ATP2A3: variants seen among roughly 807,000 people sequenced by gnomAD.
ATP2A3 encodes the protein sarcoplasmic/endoplasmic reticulum calcium ATPase 3.
In ATP2A3, 61 loss-of-function variants were observed where a neutral mutation model predicts 106.8. That is an observed-to-expected ratio of 0.57 (90% confidence interval 0.46 to 0.71). The LOEUF (loss-of-function observed/expected upper bound fraction) is 0.71, where lower values mean the gene tolerates loss of function less well. Ranked by LOEUF, ATP2A3 falls within the 30% of genes least tolerant of loss-of-function variation. ATP2A3 has a pLI of 0.00. For synonymous variants in ATP2A3, 611 were observed against 609.3 expected (o/e 1.00, Z -0.04); for missense variants, 1,201 against 1,423.5 (o/e 0.84, Z 2.52).
rs1410550508 is a variant in ATP2A3, at chr17:3,924,850, TG to T, written c.*571del. 2 of 456,690 alleles carry T rather than the reference TG, an allele frequency of 4.4e-6. No individual in the cohort carries two copies. The allele number at this position is 456,690 out of a possible 1,614,324, so 28.3% of individuals were successfully genotyped here. The stretch of plus-strand genomic sequence containing the variant: ...CTCGAGCTCTCGGGAGCCGACTTTG[TG>T]GAAGCAGAGTGGAGTGGAGGGGGCT... On this transcript the variant is annotated 3_prime_UTR_variant, in exon 21 of 21. Coordinates refer to ENST00000397041, the MANE Select transcript of ATP2A3 (RefSeq NM_005173.4). The surrounding 1 kb of genome is among the most constrained non-coding windows in gnomAD (Gnocchi z 6.4).
rs1246162747 is a variant in ATP2A3 at position 3,953,129 on chromosome 17, T to G, written c.219+218A>C. Among the ~76,000 whole-genome samples the G allele has an allele frequency of 6.6e-6, 1 of 151,466 alleles. No homozygotes were observed. On this transcript the variant is annotated intron_variant, in intron 3 of 20. Transcript: ENST00000397041. This position sits in a 1 kb window ranked among gnomAD's most constrained non-coding sequence, Gnocchi z 5.1. ...CTGAGAGCCAGAGGATAAGATGGATTGGAGGGGTCAGGTGGGAGCCGGGGA... is the reference window on the plus strand; with the variant it reads ...CTGAGAGCCAGAGGATAAGATGGATGGGAGGGGTCAGGTGGGAGCCGGGGA...
At chr17:3,931,255 G>A (rs1235778304) in intron 17 of ATP2A3, among the ~76,000 whole-genome samples, 1 of 152,116 alleles carries the variant, frequency 6.6e-6, no homozygotes, top group Non-Finnish European at 1.5e-5. Flanking sequence ...TTGCCAAGGT[G>A]CAGCTGTAAC....
intron 10 of ATP2A3, among the ~76,000 whole-genome samples, chr17:3,944,064 C>T (rs991190720): frequency 6.6e-6 from 1 of 152,182 alleles, no homozygotes; most frequent in Non-Finnish European, 1.5e-5. Context: ...TGACCCATAC[C>T]TTCTCCCCTC....
chr17:3,937,741 A>T, intron 14 of ATP2A3, 105 bp from the exon 15 acceptor site: 1 of 1,171,196 alleles, frequency 8.5e-7, no homozygotes, highest in Non-Finnish European at 1.2e-6. Context: ...TTCCAAAGGA[A>T]GCAGACAGTT....
intron 1 of ATP2A3, among the ~76,000 whole-genome samples, chr17:3,958,819 C>T (rs1218086651): frequency 3.2e-4 from 38 of 117,548 alleles, no homozygotes; most frequent in African/African-American, 1.3e-3. Context: ...TATATATATA[C>T]ACACATATAT....
At chr17:3,927,680 C>T (rs1274260011) in intron 20 of ATP2A3, 1 of 984,888 alleles carries the variant, frequency 1.0e-6, no homozygotes, top group Non-Finnish European at 1.2e-6. Flanking sequence ...ACCCATTGGC[C>T]CCAGCAGGCT....
At position 3,951,678 on chromosome 17, in the gene ATP2A3, G is replaced by C. The variant is rs1287325251; in HGVS notation, c.227C>G (p.Ala76Gly). The C allele has an allele frequency of 4.4e-6, 7 of 1,607,622 alleles. No individual in the cohort carries two copies. The highest frequency in any genetic ancestry group is 5.9e-6 in the Non-Finnish European group (7 of 1,177,754). Residue 76 changes from alanine to glycine, a missense_variant, in exon 4 of 21, where the codon GCC (alanine) becomes GGC (glycine). Physicochemically the swap from Ala to Gly is moderately conservative, Grantham distance 60 (BLOSUM62 0). Transcript: ENST00000397041. ...LLAALVSFVL[A>G]WFEEGEETTT... is the part of the protein sequence containing the mutation. ...GGTCTCCTCGCCCTCCTCGAACCAGGCCAGGACCTGCAGGATCACAGCTGG... is the reference window on the plus strand; with the variant it reads ...GGTCTCCTCGCCCTCCTCGAACCAGCCCAGGACCTGCAGGATCACAGCTGG...
rs376660477 is a variant in ATP2A3 at position 3,928,020 on chromosome 17, C to A, written c.2980+643G>T. ...TCTCTGAGCAGCTCTGACAGCGAGA[C>A]GATGCTGTGTCCCTGGCCCTTGGAA... On this transcript the variant is annotated intron_variant, in intron 20 of 20. Coordinates refer to ENST00000397041, the MANE Select transcript of ATP2A3 (RefSeq NM_005173.4). This position sits in a 1 kb window ranked among gnomAD's most constrained non-coding sequence, Gnocchi z 6.1. 1.2e-6 allele frequency: 2 copies of A among 1,614,106 alleles called. No homozygotes were observed. The highest frequency in any genetic ancestry group is 2.2e-5 in the East Asian group (1 of 44,880).
Position 3,928,535 on chromosome 17 carries a change from A to G in ATP2A3, c.2980+128T>C. The G allele has an allele frequency of 9.9e-7, 1 of 1,010,994 alleles. No individual in the cohort carries two copies. The allele number at this position is 1,010,994 out of a possible 1,614,324, so 62.6% of individuals were successfully genotyped here. A position where few individuals can be genotyped will look rare whatever the true frequency, so the allele number is the denominator to read the frequency against. Reference sequence around the variant, plus strand: ...GCCCCTTCACACCCTCCACTTGGTGATCCGAGAACGCCTCCCCGATGTGCA... The same window carrying G: ...GCCCCTTCACACCCTCCACTTGGTGGTCCGAGAACGCCTCCCCGATGTGCA... On this transcript the variant is annotated intron_variant, in intron 20 of 20. Coordinates refer to ENST00000397041, the MANE Select transcript of ATP2A3 (RefSeq NM_005173.4). This position sits in a 1 kb window ranked among gnomAD's most constrained non-coding sequence, Gnocchi z 6.1.
chr17:3,936,787 C>A lies in ATP2A3; in HGVS notation c.2322-318G>T. ...GAAGAGGGCATGCCCAAGAATCAGA[C>A]ATGTGCAAAAACCTAGCACATGCCA... On this transcript the variant is annotated intron_variant, in intron 15 of 20. Transcript: ENST00000397041. The surrounding 1 kb of genome is among the most constrained non-coding windows in gnomAD (Gnocchi z 5.4). The A allele has an allele frequency of 2.3e-6, 1 of 425,980 alleles. No individual in the cohort carries two copies. The highest frequency in any genetic ancestry group is 4.7e-5 in the East Asian group (1 of 21,100). 26.4% of individuals were successfully genotyped at this position (425,980 alleles called of 1,614,324 possible).
Position 3,925,812 on chromosome 17 carries a change from C to T in ATP2A3, c.2981-371G>A, listed in dbSNP as rs1467440101. 6.6e-6 allele frequency among the ~76,000 whole-genome samples: 1 copy of T among 152,092 alleles called. No homozygotes were observed. On this transcript the variant is annotated intron_variant, in intron 20 of 20. Transcript: ENST00000397041. The surrounding 1 kb of genome is among the most constrained non-coding windows in gnomAD (Gnocchi z 4.2). ...CCCAGGCCTGATTTCACCCAAATTG[C>T]GAGAGCTCATCTCTCCCACTGCCTT...
chr17:3,943,466 C>T lies in ATP2A3; in HGVS notation c.1344G>A (p.Leu448=). 1.9e-6 allele frequency: 3 copies of T among 1,614,122 alleles called. No individual in the cohort carries two copies. The highest frequency in any genetic ancestry group is 1.7e-5 in the Admixed American group (1 of 60,022). Residue 448 remains leucine, a synonymous_variant, in exon 11 of 21, where the codon CTG becomes CTA. Coordinates refer to ENST00000397041, the MANE Select transcript of ATP2A3 (RefSeq NM_005173.4). ...TGTCGAACACGTTCATCTTCTCCAC[C>T]AGGCAAGTCAGAGCTGTCTCCGTGG... is the stretch of plus-strand genomic sequence containing the variant. ...GEATETALTC[L]VEKMNVFDTD...
rs2053481850 is a variant in ATP2A3, at chr17:3,936,941, G to A, written c.2322-472C>T. ...GGCATCCTCACATGTGAATACGAGT[G>A]TGTGCACAGTCACACGCCGGCACAA... On this transcript the variant is annotated intron_variant, in intron 15 of 20. Transcript: ENST00000397041. The surrounding 1 kb of genome is among the most constrained non-coding windows in gnomAD (Gnocchi z 5.4). The A allele has an allele frequency of 6.1e-6, 2 of 326,540 alleles. No individual in the cohort carries two copies. The highest frequency in any genetic ancestry group is 5.4e-5 in the South Asian group (2 of 37,104). 20.2% of individuals were successfully genotyped at this position (326,540 alleles called of 1,614,324 possible).
rs988227513 is a variant in ATP2A3 at position 3,936,899 on chromosome 17, G to T, written c.2322-430C>A. On this transcript the variant is annotated intron_variant, in intron 15 of 20. Transcript: ENST00000397041. The surrounding 1 kb of genome is among the most constrained non-coding windows in gnomAD (Gnocchi z 5.4). ...TCCATCCATGTCCAGCAACACACAC[G>T]CTCACCATTCCCCACAGGCATCCTC... 1 of 326,444 alleles carries T rather than the reference G, an allele frequency of 3.1e-6. No homozygotes were observed. 20.2% of individuals were successfully genotyped at this position (326,444 alleles called of 1,614,324 possible). A position where few individuals can be genotyped will look rare whatever the true frequency, so the allele number is the denominator to read the frequency against.
chr17:3,951,135 T>C, intron 5 of ATP2A3, 116 bp downstream of exon 5: 1 of 1,057,046 alleles, frequency 9.5e-7, no homozygotes, highest in Non-Finnish European at 1.2e-6. Flanking sequence ...ATTGCGCCAC[T>C]GCACTCCAGT....
Position 3,937,636 on chromosome 17 carries a change from T to C in ATP2A3, c.2101A>G (p.Thr701Ala). The change falls in exon 15 of 21, where the codon ACT (threonine) becomes GCT (alanine). Residue 701 changes from threonine (T) to alanine (A), a missense_variant and splice_region_variant. Physicochemically the swap from Thr to Ala is moderately conservative, Grantham distance 58 (BLOSUM62 0). Transcript: ENST00000397041. Reference sequence around the variant, plus strand: ...GGTGCGTCGTTCACTCCATCGCCAGTCTGTGGGCCAGGTCAGGTAGGGCTG... The same window carrying C: ...GGTGCGTCGTTCACTCCATCGCCAGCCTGTGGGCCAGGTCAGGTAGGGCTG... Reference protein sequence around the residue: ...LQSFNEITAMTGDGVNDAPAL... With the variant: ...LQSFNEITAMAGDGVNDAPAL... 6.2e-7 allele frequency: 1 copy of C among 1,613,574 alleles called. No homozygotes were observed. The highest frequency in any genetic ancestry group is 8.5e-7 in the Non-Finnish European group (1 of 1,179,862).
In ATP2A3 at chr17:3,953,543, G is replaced by A. The variant is rs2054578905; in HGVS notation, c.137-114C>T. 6.7e-7 allele frequency: 1 copy of A among 1,496,480 alleles called. No individual in the cohort carries two copies. The highest frequency in any genetic ancestry group is 1.7e-4 in the Middle Eastern group (1 of 5,852). 92.7% of individuals were successfully genotyped at this position (1,496,480 alleles called of 1,614,324 possible). ...ATTCCCTCCCTGCACTCAGAAGAGG[G>A]AGAACCCAGGTCGCTGAGAGGCTCA... On this transcript the variant is annotated intron_variant, in intron 2 of 20. Coordinates refer to ENST00000397041, the MANE Select transcript of ATP2A3 (RefSeq NM_005173.4). The surrounding 1 kb of genome is among the most constrained non-coding windows in gnomAD (Gnocchi z 5.1).
intron 17 of ATP2A3, chr17:3,934,954 T>C (rs8067516): frequency 0.14 from 75,661 of 553,436 alleles, 5,861 homozygotes; most frequent in African/African-American, 0.21. Context: ...CAGTGAGGCC[T>C]CTTGGTCCCC....
Position 3,926,964 on chromosome 17 carries a change from T to C in ATP2A3, c.2981-1523A>G. On this transcript the variant is annotated intron_variant, in intron 20 of 20. Coordinates refer to ENST00000397041, the MANE Select transcript of ATP2A3 (RefSeq NM_005173.4). This position sits in a 1 kb window ranked among gnomAD's most constrained non-coding sequence, Gnocchi z 4.6. ...TGCTTCCCCACTGCCCTGAGGACAA[T>C]GTCCAGGGTCTCTACCTTGGCACTC... The C allele has an allele frequency of 1.0e-6, 1 of 985,470 alleles. No individual in the cohort carries two copies. The highest frequency in any genetic ancestry group is 1.2e-6 in the Non-Finnish European group (1 of 829,930). 61.0% of individuals were successfully genotyped at this position (985,470 alleles called of 1,614,324 possible).
Sources: gnomAD v4.1 joint callset for allele counts (sites outside exome capture counted in the v4.1 genomes callset) on GRCh38, gnomAD v4.1.1 for gene constraint, Gnocchi (gnomAD v3.1) non-coding constraint, MANE v1.5 for transcripts, NCBI Gene and HGNC (gene_info 2026-07-23, HGNC 2026-07-21) for gene names.